IL1RAPL1: variants seen among roughly 807,000 people sequenced by gnomAD.
The protein encoded by IL1RAPL1 is interleukin-1 receptor accessory protein-like 1.
A neutral mutation model predicts 48.4 loss-of-function variants in IL1RAPL1; 3 were observed. That is an observed-to-expected ratio of 0.06 (90% CI 0.03 to 0.16). IL1RAPL1 has a LOEUF of 0.16. Ranked by LOEUF, IL1RAPL1 falls within the 10% of genes least tolerant of loss-of-function variation. IL1RAPL1 has a pLI of 1.00. For synonymous variants in IL1RAPL1, 185 were observed against 187.7 expected (o/e 0.99, Z 0.12); for missense variants, 349 against 530.6 (o/e 0.66, Z 3.36).
intron 6 of IL1RAPL1, among the ~76,000 whole-genome samples, chrX:29,913,104 C>T (rs907550502): frequency 9.0e-6 from 1 of 111,273 alleles, no homozygotes; most frequent in Admixed American, 9.6e-5. Context: ...CAGCTTTTCT[C>T]CACAACACTA....
intron 1 of IL1RAPL1, among the ~76,000 whole-genome samples, chrX:28,632,169 C>T (rs1934408512): frequency 1.8e-5 from 2 of 111,598 alleles, no homozygotes; most frequent in African/African-American, 6.5e-5. Context: ...TCTAGAAACC[C>T]ACAATCAAGG....
chrX:29,819,838 C>T (rs1047228474), intron 6 of IL1RAPL1, among the ~76,000 whole-genome samples: 1 of 102,448 alleles, frequency 9.8e-6, no homozygotes, highest in Non-Finnish European at 2.0e-5. Context: ...AGTGGGTTTC[C>T]ATCAAAATAC....
intron 5 of IL1RAPL1, among the ~76,000 whole-genome samples, chrX:29,440,475 A>C (rs1372746718): frequency 8.9e-6 from 1 of 111,761 alleles, no homozygotes; most frequent in East Asian, 2.8e-4. Context: ...GCACAGAAGG[A>C]GCCAGTAATT....
chrX:29,448,336 G>A (rs186395253), intron 5 of IL1RAPL1, among the ~76,000 whole-genome samples: 5 of 111,582 alleles, frequency 4.5e-5, no homozygotes, highest in Admixed American at 2.9e-4. Flanking sequence ...TCCCAAGTAC[G>A]AAAATGTTTT....
intron 5 of IL1RAPL1, among the ~76,000 whole-genome samples, chrX:29,656,476 C>T (rs1306558953): frequency 2.7e-5 from 3 of 110,777 alleles, no homozygotes. Context: ...GCATTTGTGT[C>T]CTCATATCTT....
At chrX:28,937,045 T>C (rs962284194) in intron 2 of IL1RAPL1, among the ~76,000 whole-genome samples, 1 of 111,338 alleles carries the variant, frequency 9.0e-6, no homozygotes, top group African/African-American at 3.3e-5. Context: ...CTGTGTAAAG[T>C]TGATGAAAAA....
intron 5 of IL1RAPL1, among the ~76,000 whole-genome samples, chrX:29,490,634 G>A (rs778782751): frequency 1.8e-5 from 2 of 111,500 alleles, no homozygotes; most frequent in South Asian, 7.4e-4. Context: ...CTACAAAATA[G>A]GAAAGACATT....
intron 1 of IL1RAPL1, among the ~76,000 whole-genome samples, chrX:28,698,961 A>G (rs1251363183): frequency 8.9e-6 from 1 of 111,969 alleles, no homozygotes; most frequent in South Asian, 3.7e-4. Context: ...TGTCCTCACA[A>G]TCTCTTTTAT....
intron 2 of IL1RAPL1, among the ~76,000 whole-genome samples, chrX:29,160,221 A>G (rs1929655056): frequency 8.9e-6 from 1 of 112,101 alleles, no homozygotes; most frequent in African/African-American, 3.2e-5. Flanking sequence ...CAGCAAAAGT[A>G]CTATCATTGT....
At chrX:29,220,064 A>G (rs1225989985) in intron 2 of IL1RAPL1, among the ~76,000 whole-genome samples, 2 of 111,945 alleles carry the variant, frequency 1.8e-5, no homozygotes, top group South Asian at 3.7e-4. Flanking sequence ...TAATAAATCA[A>G]TGATAAGGTA....
intron 2 of IL1RAPL1, among the ~76,000 whole-genome samples, chrX:29,275,310 C>T (rs1402187375): frequency 1.8e-5 from 2 of 111,581 alleles, no homozygotes; most frequent in Non-Finnish European, 3.8e-5. Context: ...CTGATGCACA[C>T]GAAAACTTGA....
intron 5 of IL1RAPL1, among the ~76,000 whole-genome samples, chrX:29,556,886 A>G (rs745861803): frequency 1.5e-3 from 169 of 111,800 alleles, no homozygotes; most frequent in African/African-American, 5.1e-3. Flanking sequence ...GAAGCTTTCA[A>G]TTAATACATA....
At chrX:29,865,157 C>T (rs1306635741) in intron 6 of IL1RAPL1, among the ~76,000 whole-genome samples, 1 of 111,835 alleles carries the variant, frequency 8.9e-6, no homozygotes, top group African/African-American at 3.2e-5. Context: ...AACCAAGCAG[C>T]ATTAGTAAAC....
chrX:29,172,707 A>G (rs1203410827), intron 2 of IL1RAPL1, among the ~76,000 whole-genome samples: 1 of 111,904 alleles, frequency 8.9e-6, no homozygotes, highest in African/African-American at 3.2e-5. Flanking sequence ...TTGAGGAGAG[A>G]GCCCTCATCA....
intron 2 of IL1RAPL1, among the ~76,000 whole-genome samples, chrX:29,152,377 T>C (rs1420406252): frequency 8.9e-6 from 1 of 111,960 alleles, no homozygotes; most frequent in Non-Finnish European, 1.9e-5. Context: ...ACTCAGAGTA[T>C]GCCTTGTGAC....
At chrX:28,800,945 G>T (rs1936668070) in intron 2 of IL1RAPL1, among the ~76,000 whole-genome samples, 1 of 108,090 alleles carries the variant, frequency 9.3e-6, no homozygotes, top group Non-Finnish European at 1.9e-5. Context: ...GCAATGGTGT[G>T]ACCTCGGCTC....
At chrX:29,303,616 T>C (rs1305808596) in intron 3 of IL1RAPL1, among the ~76,000 whole-genome samples, 1 of 111,709 alleles carries the variant, frequency 9.0e-6, no homozygotes, top group Non-Finnish European at 1.9e-5. Flanking sequence ...GAAGTAAACA[T>C]GAAAGAAGCT....
intron 2 of IL1RAPL1, among the ~76,000 whole-genome samples, chrX:29,097,079 T>C (rs2147460763): frequency 8.9e-6 from 1 of 111,866 alleles, no homozygotes; most frequent in Admixed American, 9.5e-5. Flanking sequence ...ACTAAGATCA[T>C]CTTTAGATCC....
At chrX:28,734,891 T>A (rs370194046) in intron 1 of IL1RAPL1, among the ~76,000 whole-genome samples, 1 of 112,081 alleles carries the variant, frequency 8.9e-6, no homozygotes, top group South Asian at 3.7e-4. Flanking sequence ...AGGGTTTTCC[T>A]CAAATGCAGA....
Sources: allele counts gnomAD v4.1 joint callset (sites outside exome capture counted in the v4.1 genomes callset), GRCh38; gene constraint gnomAD v4.1.1; transcripts MANE v1.5; gene names NCBI Gene and HGNC (gene_info 2026-07-23, HGNC 2026-07-21).